PALD1: variants seen among roughly 807,000 people sequenced by gnomAD.
PALD1 encodes phosphatase domain containing paladin 1.
PALD1 carries 57 observed loss-of-function variants against 96.0 expected under a neutral mutation model. The ratio of observed to expected loss-of-function variants is 0.59; its 90% CI spans 0.48 to 0.74. The LOEUF is 0.74. PALD1 is among the 30% of genes least tolerant of loss of function. PALD1 has a pLI of 0.00. For missense variants in PALD1, 1,063 were observed against 1,143.7 expected, an observed-to-expected ratio of 0.93 and a Z score of 1.02; for synonymous variants, 464 against 473.6, an observed-to-expected ratio of 0.98 and a Z score of 0.26.
chr10:70,492,046 G>C (rs550969559), intron 1 of PALD1, among the ~76,000 whole-genome samples: 4 of 152,288 alleles, frequency 2.6e-5, no homozygotes, highest in African/African-American at 9.6e-5. Context: ...TAGCTGTTTG[G>C]CTGCTATGAA....
intron 1 of PALD1, among the ~76,000 whole-genome samples, chr10:70,482,790 A>G (rs141588809): frequency 1.5e-4 from 23 of 152,102 alleles, no homozygotes; most frequent in African/African-American, 5.1e-4. Flanking sequence ...AAGGATAGCA[A>G]CTCCCTTATG....
chr10:70,459,669 C>G, the PALD1 span, among the ~76,000 whole-genome samples: 1 of 152,228 alleles, frequency 6.6e-6, no homozygotes, highest in African/African-American at 2.4e-5. Context: ...CGCCTTGTGA[C>G]GTTGGGATCT....
At chr10:70,561,964 C>T (rs1847746307) in intron 18 of PALD1, among the ~76,000 whole-genome samples, 3 of 152,204 alleles carry the variant, frequency 2.0e-5, no homozygotes, top group Admixed American at 2.0e-4. Context: ...GAGGGCAGGG[C>T]CTGTGAGTAG....
At chr10:70,468,368 C>A in the PALD1 span, among the ~76,000 whole-genome samples, 2 of 151,784 alleles carry the variant, frequency 1.3e-5, no homozygotes, top group Non-Finnish European at 2.9e-5. Context: ...CTCAGCTTCC[C>A]GGGTAGCTGA....
At chr10:70,524,906 C>A (rs1453160493) in intron 1 of PALD1, among the ~76,000 whole-genome samples, 2 of 152,206 alleles carry the variant, frequency 1.3e-5, no homozygotes, top group Admixed American at 6.5e-5. Flanking sequence ...TAGGAGGGAG[C>A]CTTGCAGGAG....
At chr10:70,482,119 GC>G (rs1845943034) in intron 1 of PALD1, among the ~76,000 whole-genome samples, 1 of 152,194 alleles carries the variant, frequency 6.6e-6, no homozygotes, top group South Asian at 2.1e-4. Flanking sequence ...CAGGTGCATG[GC>G]CCTGGGCCTC....
At chr10:70,517,279 T>C (rs1301669619) in intron 1 of PALD1, among the ~76,000 whole-genome samples, 1 of 152,160 alleles carries the variant, frequency 6.6e-6, no homozygotes, top group Non-Finnish European at 1.5e-5. Flanking sequence ...GGGACACCTC[T>C]TGTTTTTAAC....
chr10:70,499,448 C>T lies in PALD1; in HGVS notation c.-30+20389C>T, dbSNP rs550121327. On this transcript the variant is annotated intron_variant, in intron 1 of 19. Transcript: ENST00000263563. ...CGGGAGTGTCTGCAGGGAGGTGGGC[C>T]TCAGAGCCCGCAGTGTGAGGCTGGC... Among the ~76,000 whole-genome samples, 5 of 152,298 alleles carry T rather than the reference C, an allele frequency of 3.3e-5. No homozygotes were observed. In the East Asian group the frequency reaches 9.7e-4, roughly 29 times the overall value.
At chr10:70,530,135 G>C in intron 4 of PALD1, 67 bp downstream of exon 4, 1 of 1,376,804 alleles carries the variant, frequency 7.3e-7, no homozygotes. Flanking sequence ...CCTTGGAGGG[G>C]CAGCTTTAGA....
Position 70,534,450 on chromosome 10 carries a change from C to T in PALD1, c.1048C>T (p.Leu350=). Residue 350 remains leucine, a synonymous_variant, in exon 9 of 20, where the codon CTG becomes TTG. Coordinates refer to ENST00000263563, the MANE Select transcript of PALD1 (RefSeq NM_014431.3). The part of the protein sequence containing the change: ...PEAAPTQAKP[L]PMEQFQVIQS... ...GGCTGCCCCCACGCAGGCCAAGCCC[C>T]TGCCTATGGAGCAGTTCCAGGTGAT... is the stretch of plus-strand genomic sequence containing the variant. 1.9e-6 allele frequency: 3 copies of T among 1,612,262 alleles called. No individual in the cohort carries two copies. The highest frequency in any genetic ancestry group is 2.5e-6 in the Non-Finnish European group (3 of 1,179,282).
chr10:70,531,601 C>T (rs1340216575), intron 5 of PALD1, 147 bp downstream of exon 5: 2 of 702,702 alleles, frequency 2.8e-6, no homozygotes, highest in Non-Finnish European at 4.5e-6. Context: ...GCAAGGCTGA[C>T]TCACGGGCAG....
intron 1 of PALD1, among the ~76,000 whole-genome samples, chr10:70,503,965 T>C (rs1846342299): frequency 6.6e-6 from 1 of 152,262 alleles, no homozygotes; most frequent in South Asian, 2.1e-4. Flanking sequence ...ATAAAGAGCA[T>C]GCCTGGGAAG....
chr10:70,538,485 G>T, intron 12 of PALD1, 77 bp downstream of exon 12: 1 of 1,470,516 alleles, frequency 6.8e-7, no homozygotes, highest in Non-Finnish European at 9.3e-7. Flanking sequence ...ATTCCTGTAG[G>T]GTTGGGGTAA....
At chr10:70,503,398 G>T (rs752661512) in intron 1 of PALD1, among the ~76,000 whole-genome samples, 3 of 152,152 alleles carry the variant, frequency 2.0e-5, no homozygotes, top group Non-Finnish European at 4.4e-5. Flanking sequence ...CACTTAGGGA[G>T]GCCAAGGCGG....
At chr10:70,530,540 C>T (rs184809903) in intron 4 of PALD1, among the ~76,000 whole-genome samples, 2 of 152,304 alleles carry the variant, frequency 1.3e-5, no homozygotes, top group African/African-American at 4.8e-5. Flanking sequence ...CCCCAAGACC[C>T]AAACCCAGGC....
intron 5 of PALD1, 102 bp downstream of exon 5, chr10:70,531,556 C>G: frequency 8.9e-7 from 1 of 1,129,628 alleles, no homozygotes; most frequent in Non-Finnish European, 1.2e-6. Context: ...CCGTGTTCCC[C>G]CACTGTTGTG....
intron 1 of PALD1, among the ~76,000 whole-genome samples, chr10:70,493,695 C>T (rs914104249): frequency 1.3e-5 from 2 of 152,186 alleles, no homozygotes; most frequent in South Asian, 2.1e-4. Flanking sequence ...CGTGGTTTCT[C>T]TCTTTCTCTT....
chr10:70,490,705 C>T (rs1054959425), intron 1 of PALD1, among the ~76,000 whole-genome samples: 10 of 152,136 alleles, frequency 6.6e-5, no homozygotes, highest in Non-Finnish European at 1.5e-4. Context: ...AGAGCTGTGC[C>T]CTTGGGCCTC....
intron 11 of PALD1, 139 bp downstream of exon 11, chr10:70,538,045 C>T (rs545475479): frequency 2.0e-5 from 15 of 748,658 alleles, no homozygotes; most frequent in East Asian, 5.3e-5. Context: ...GACCCAGATT[C>T]GGGAGTAGTC....
Sources: gnomAD v4.1 joint callset for allele counts (sites outside exome capture counted in the v4.1 genomes callset) on GRCh38, gnomAD v4.1.1 for gene constraint, MANE v1.5 for transcripts, NCBI Gene and HGNC (gene_info 2026-07-23, HGNC 2026-07-21) for gene names.